Variants in CERT1 observed in about 807,000 individuals in gnomAD.
CERT1 encodes the protein ceramide transfer protein.
A neutral mutation model predicts 87.9 loss-of-function variants in CERT1; 31 were observed. The observed-to-expected ratio is 0.35, with a 90% CI of 0.27 to 0.48. CERT1 has a LOEUF of 0.48. Ranked by LOEUF, CERT1 falls within the 20% of genes least tolerant of loss-of-function variation. The pLI, the probability that CERT1 is intolerant of heterozygous loss-of-function variation, is 0.99. For synonymous variants in CERT1, 289 were observed against 250.9 expected, an observed-to-expected ratio of 1.15 and a Z score of -1.44; for missense variants, 487 against 758.0, an observed-to-expected ratio of 0.64 and a Z score of 4.20.
chr5:75,464,230 C>A (rs1006186210), intron 2 of CERT1, among the ~76,000 whole-genome samples: 1 of 152,108 alleles, frequency 6.6e-6, no homozygotes, highest in Non-Finnish European at 1.5e-5. Flanking sequence ...GAACTGGAGG[C>A]AGCAGGTAGC....
At chr5:75,500,637 C>T in intron 2 of CERT1, among the ~76,000 whole-genome samples, 1 of 152,174 alleles carries the variant, frequency 6.6e-6, no homozygotes. Context: ...GAATTAACAA[C>T]TAGTTTCTTA....
At position 75,511,612 on chromosome 5, in the gene CERT1, C is replaced by A; in HGVS notation, c.-405G>T. ...CACCTCCGCTACCGCCGCCATCTTC[C>A]TGCCTGGCCCACTATTTACCCTCCC... On this transcript the variant is annotated 5_prime_UTR_variant, in exon 1 of 17. It adds an upstream start codon to the 5' untranslated region. Transcript: ENST00000643780. 6.8e-7 allele frequency: 1 copy of A among 1,470,836 alleles called. No individual in the cohort carries two copies. Among genetic ancestry groups the A allele is most frequent in the Non-Finnish European group, 9.0e-7 (1 of 1,110,102 alleles). The allele number at this position is 1,470,836 out of a possible 1,614,324, so 91.1% of individuals were successfully genotyped here. A position where few individuals can be genotyped will look rare whatever the true frequency, so the allele number is the denominator to read the frequency against.
upstream of CERT1, chr5:75,511,836 GTGC>G: frequency 6.5e-7 from 1 of 1,548,966 alleles, no homozygotes. Context: ...GGATGCAGCT[GTGC>G]TGCATTCTGG....
At chr5:75,458,287 C>CTA in intron 3 of CERT1, among the ~76,000 whole-genome samples, 1 of 152,136 alleles carries the variant, frequency 6.6e-6, no homozygotes, top group East Asian at 1.9e-4. Flanking sequence ...AAAAGACTTT[C>CTA]TATAGGTTTA....
intron 2 of CERT1, among the ~76,000 whole-genome samples, chr5:75,473,479 CAAAT>C (rs78703230): frequency 0.12 from 18,905 of 152,048 alleles, 1,280 homozygotes; most frequent in East Asian, 0.22. Context: ...CACAGACAGA[CAAAT>C]AACGCATTAT....
At chr5:75,424,570 C>CA (rs201463470) in intron 5 of CERT1, among the ~76,000 whole-genome samples, 137 of 77,272 alleles carry the variant, frequency 1.8e-3, no homozygotes, top group African/African-American at 4.5e-3. Context: ...GACTCTGTCT[C>CA]AAAAAAAAAA....
intron 2 of CERT1, among the ~76,000 whole-genome samples, chr5:75,474,053 G>A (rs1765842395): frequency 6.6e-6 from 1 of 152,150 alleles, no homozygotes; most frequent in Admixed American, 6.5e-5. Context: ...AACTGGACAT[G>A]GGCCTGCCTG....
At chr5:75,508,995 A>G (rs1767788596) in intron 1 of CERT1, among the ~76,000 whole-genome samples, 1 of 152,120 alleles carries the variant, frequency 6.6e-6, no homozygotes, top group Admixed American at 6.5e-5. Flanking sequence ...CTATAACTAG[A>G]TAGAATTATT....
chr5:75,437,193 A>C (rs149854799), intron 3 of CERT1, among the ~76,000 whole-genome samples: 2 of 152,246 alleles, frequency 1.3e-5, no homozygotes, highest in African/African-American at 4.8e-5. Context: ...ATCTTAAAAC[A>C]AAATATAAAC....
intron 12 of CERT1, among the ~76,000 whole-genome samples, 182 bp downstream of exon 12, chr5:75,389,410 A>G (rs1761941964): frequency 6.6e-6 from 1 of 152,238 alleles, no homozygotes; most frequent in South Asian, 2.1e-4. Flanking sequence ...CCTTTAGTAA[A>G]GGCAAAGCCA....
intron 3 of CERT1, among the ~76,000 whole-genome samples, chr5:75,455,623 A>G (rs1331481375): frequency 5.9e-5 from 9 of 152,156 alleles, no homozygotes; most frequent in African/African-American, 2.2e-4. Context: ...TACCAATATA[A>G]TATACTGTCC....
Position 75,506,046 on chromosome 5 carries a change from T to C in CERT1, c.167A>G (p.Lys56Arg), listed in dbSNP as rs1767635654. ...GCCATACTCTGTTTCATCTTCAGAT[T>C]TGTAGTAACTCAGAGCATTATTTTT... The part of the protein sequence containing the change: ...VLKNNALSYY[K>R]SEDETEYGCR... The change falls in exon 2 of 17, where the codon AAA (lysine) becomes AGA (arginine). Residue 56 changes from lysine to arginine, a missense_variant. Around this residue, in one of 8 missense-constraint regions of CERT1, gnomAD observed 173 missense variants for 302.2 expected, o/e 0.57. Transcript: ENST00000643780. The C allele has an allele frequency of 6.2e-7, 1 of 1,613,702 alleles. No homozygotes were observed. The highest frequency in any genetic ancestry group is 2.2e-5 in the East Asian group (1 of 44,842).
intron 5 of CERT1, among the ~76,000 whole-genome samples, chr5:75,425,034 C>T (rs1763550012): frequency 1.3e-5 from 2 of 152,104 alleles, no homozygotes; most frequent in South Asian, 4.1e-4. Flanking sequence ...GGGAGAATTG[C>T]TTGAGGCCAG....
At chr5:75,450,541 C>G (rs1395824535) in intron 3 of CERT1, among the ~76,000 whole-genome samples, 1 of 152,184 alleles carries the variant, frequency 6.6e-6, no homozygotes, top group East Asian at 1.9e-4. Context: ...CTTTCCCGAT[C>G]CAGGTCTTTT....
intron 7 of CERT1, among the ~76,000 whole-genome samples, chr5:75,411,631 A>C (rs1049715001): frequency 6.6e-6 from 1 of 152,164 alleles, no homozygotes; most frequent in African/African-American, 2.4e-5. Context: ...GATTTAAATC[A>C]CCACTAAAAT....
chr5:75,427,851 C>A (rs1049028275), intron 3 of CERT1, among the ~76,000 whole-genome samples: 1 of 151,846 alleles, frequency 6.6e-6, no homozygotes. Flanking sequence ...AACAAAGGAA[C>A]AAAAAGCTAC....
intron 7 of CERT1, among the ~76,000 whole-genome samples, chr5:75,413,871 C>T (rs1230404150): frequency 1.3e-5 from 2 of 151,748 alleles, no homozygotes; most frequent in Admixed American, 1.3e-4. Context: ...TAAGCATATA[C>T]CCCTATGAAT....
At chr5:75,385,814 A>C (rs1761763098) in intron 13 of CERT1, 88 bp downstream of exon 13, 4 of 1,022,944 alleles carry the variant, frequency 3.9e-6, no homozygotes, top group Non-Finnish European at 5.1e-6. Context: ...TTGACTTTGT[A>C]AACTATGTAG....
intron 2 of CERT1, among the ~76,000 whole-genome samples, chr5:75,480,229 T>TTAC (rs2112387632): frequency 6.6e-6 from 1 of 152,116 alleles, no homozygotes; most frequent in East Asian, 1.9e-4. Context: ...CTTACAGGAG[T>TTAC]TACCTACATT....
Sources: gnomAD v4.1 joint callset for allele counts (sites outside exome capture counted in the v4.1 genomes callset) on GRCh38, gnomAD v4.1.1 for gene constraint, gnomAD v4.1.1 regional missense constraint, MANE v1.5 for transcripts, NCBI Gene and HGNC (gene_info 2026-07-23, HGNC 2026-07-21) for gene names.